The following FRAS1 variants were observed in gnomAD, a reference collection of about 807,000 sequenced individuals.
FRAS1 encodes the protein extracellular matrix organizing protein FRAS1.
In FRAS1, 290 loss-of-function variants were observed where a neutral mutation model predicts 435.2. The ratio of observed to expected loss-of-function variants is 0.67; its 90% CI spans 0.61 to 0.73. The LOEUF (loss-of-function observed/expected upper bound fraction) is 0.73. Among genes scored for constraint, FRAS1 ranks in the 30% least tolerant of loss-of-function variants. The pLI is 0.00. For missense variants in FRAS1, 4,860 were observed against 5,001.5 expected (o/e 0.97, Z 0.85); for synonymous variants, 1,800 against 1,851.0 (o/e 0.97, Z 0.71).
chr4:78,249,853 C>T (rs980872783), intron 4 of FRAS1, among the ~76,000 whole-genome samples: 1 of 152,012 alleles, frequency 6.6e-6, no homozygotes, highest in Non-Finnish European at 1.5e-5. Flanking sequence ...GGTAGTGTGA[C>T]TGCAATGTTT....
chr4:78,486,271 A>T (rs940726420), intron 58 of FRAS1, among the ~76,000 whole-genome samples: 1 of 152,210 alleles, frequency 6.6e-6, no homozygotes, highest in African/African-American at 2.4e-5. Context: ...TAGCGAGGTA[A>T]CAGTGTTTAT....
At chr4:78,061,021 A>T (rs979827163) in intron 1 of FRAS1, among the ~76,000 whole-genome samples, 2 of 151,858 alleles carry the variant, frequency 1.3e-5, no homozygotes, top group African/African-American at 4.8e-5. Context: ...CAATTTTCAC[A>T]TTTTTAGTAG....
rs536359491 is a variant in FRAS1 at position 78,304,392 on chromosome 4, C to T, written c.1535-3674C>T. ...TCATAAAATGAGTTAGGGAGAATTT[C>T]CTCTTTTTCTATTGATTGGAATAGT... is the stretch of plus-strand genomic sequence containing the variant. On this transcript the variant is annotated intron_variant, in intron 14 of 73. Transcript: ENST00000512123. Among the ~76,000 whole-genome samples the T allele has an allele frequency of 1.1e-4, 16 of 152,262 alleles. No homozygotes were observed. The East Asian group carries it at 1.7e-3, about 17-fold the overall frequency.
intron 44 of FRAS1, among the ~76,000 whole-genome samples, 199 bp from the exon 45 acceptor site, chr4:78,449,952 A>G (rs1300875200): frequency 6.6e-6 from 1 of 151,996 alleles, no homozygotes; most frequent in Non-Finnish European, 1.5e-5. Flanking sequence ...ACTCAAGGGA[A>G]AATTAGTAAA....
chr4:78,538,274 C>A (rs1408403881), intron 72 of FRAS1, among the ~76,000 whole-genome samples: 1 of 152,112 alleles, frequency 6.6e-6, no homozygotes, highest in Admixed American at 6.6e-5. Context: ...TAATTTTTAA[C>A]CGAGTAAATG....
At position 78,447,536 on chromosome 4, in the gene FRAS1, C is replaced by T. The variant is rs527427212; in HGVS notation, c.6011-517C>T. The stretch of plus-strand genomic sequence containing the variant: ...ATTTTAGCTGGCTTCCATTCACTTT[C>T]GCTTTCTTGAATGAAGCACTTTGAC... On this transcript the variant is annotated intron_variant, in intron 43 of 73. Transcript: ENST00000512123. Among the ~76,000 whole-genome samples, 7 of 152,160 alleles carry T rather than the reference C, an allele frequency of 4.6e-5. No individual in the cohort carries two copies. In the South Asian group the frequency reaches 1.0e-3, roughly 23 times the overall value.
intron 64 of FRAS1, 92 bp from the exon 65 acceptor site, chr4:78,513,300 G>T: frequency 7.5e-7 from 1 of 1,329,162 alleles, no homozygotes; most frequent in East Asian, 2.3e-5. Context: ...TAGCTCATTG[G>T]TGAAGACAAA....
intron 2 of FRAS1, chr4:78,070,721 G>A (rs150177367): frequency 6.6e-6 from 1 of 152,158 alleles, no homozygotes; most frequent in Non-Finnish European, 1.5e-5. Context: ...CACACCTTCT[G>A]TTCTTTTCCA....
chr4:78,226,199 A>G (rs1407160279), intron 2 of FRAS1, among the ~76,000 whole-genome samples: 1 of 151,956 alleles, frequency 6.6e-6, no homozygotes, highest in African/African-American at 2.4e-5. Flanking sequence ...TGCATTTTGT[A>G]TTTACACATG....
At chr4:78,273,785 A>C (rs1000713100) in intron 9 of FRAS1, among the ~76,000 whole-genome samples, 1 of 151,778 alleles carries the variant, frequency 6.6e-6, no homozygotes, top group Non-Finnish European at 1.5e-5. Flanking sequence ...CTTTTTTTGT[A>C]GTGTCTCTGC....
chr4:78,525,703 C>G (rs776652668), intron 69 of FRAS1, among the ~76,000 whole-genome samples: 1 of 152,196 alleles, frequency 6.6e-6, no homozygotes, highest in Admixed American at 6.5e-5. Context: ...ATGACAGACT[C>G]CCAAGGCCCT....
intron 2 of FRAS1, chr4:78,181,569 G>A (rs989197034): frequency 8.1e-6 from 13 of 1,611,350 alleles, no homozygotes; most frequent in South Asian, 3.3e-5. Flanking sequence ...CGAATAGGTC[G>A]GTCAATAATC....
Position 78,201,628 on chromosome 4 carries a change from G to A in FRAS1, c.109-35882G>A, listed in dbSNP as rs1030180699. On this transcript the variant is annotated intron_variant, in intron 2 of 73. Coordinates refer to ENST00000512123, the MANE Select transcript of FRAS1 (RefSeq NM_025074.7). ...ACATAGGATGTGCATGAATTCTGAC[G>A]TTCTGACTCAACCAATTGCTTCTGA... 8.5e-5 allele frequency among the ~76,000 whole-genome samples: 13 copies of A among 152,222 alleles called. No individual in the cohort carries two copies. The South Asian group carries it at 2.5e-3, about 29-fold the overall frequency.
chr4:78,136,956 G>A (rs1719944387), intron 2 of FRAS1, among the ~76,000 whole-genome samples: 1 of 152,222 alleles, frequency 6.6e-6, no homozygotes, highest in Admixed American at 6.5e-5. Context: ...GAGACTTCAT[G>A]AGAAGTCTTC....
chr4:78,063,213 C>A (rs140610268), intron 1 of FRAS1, among the ~76,000 whole-genome samples: 1 of 152,282 alleles, frequency 6.6e-6, no homozygotes, highest in Non-Finnish European at 1.5e-5. Flanking sequence ...TGGCTTTCAA[C>A]CAGAAGCTAC....
intron 2 of FRAS1, among the ~76,000 whole-genome samples, chr4:78,074,712 G>A (rs1479977679): frequency 6.6e-6 from 1 of 152,104 alleles, no homozygotes; most frequent in Non-Finnish European, 1.5e-5. Context: ...TGGCCAATGA[G>A]ATATGTGTGG....
chr4:78,527,086 T>C (rs1254452043), intron 70 of FRAS1, among the ~76,000 whole-genome samples: 3 of 152,058 alleles, frequency 2.0e-5, no homozygotes, highest in African/African-American at 7.2e-5. Flanking sequence ...AAATAAGGGG[T>C]CTTTACACAG....
At chr4:78,199,616 A>T (rs1205777386) in intron 2 of FRAS1, among the ~76,000 whole-genome samples, 1 of 152,244 alleles carries the variant, frequency 6.6e-6, no homozygotes, top group South Asian at 2.1e-4. Context: ...CAAAATGTCA[A>T]TTTATCTTTT....
intron 2 of FRAS1, among the ~76,000 whole-genome samples, chr4:78,220,945 A>T (rs1213563923): frequency 6.6e-6 from 1 of 152,186 alleles, no homozygotes; most frequent in Non-Finnish European, 1.5e-5. Flanking sequence ...AGGCGGGCAG[A>T]TGGCTTGAGC....
Sources: allele counts gnomAD v4.1 joint callset (sites outside exome capture counted in the v4.1 genomes callset), GRCh38; gene constraint gnomAD v4.1.1; transcripts MANE v1.5; gene names NCBI Gene and HGNC (gene_info 2026-07-23, HGNC 2026-07-21).